POLR3GL: variants seen among roughly 807,000 people sequenced by gnomAD.
The protein encoded by POLR3GL is RNA polymerase III subunit GL, also known as DNA-directed RNA polymerase III subunit RPC7-like.
POLR3GL carries 26 observed loss-of-function variants against 32.4 expected under a neutral mutation model. That is an observed-to-expected ratio of 0.80 (90% CI 0.59 to 1.11). The LOEUF is 1.11. POLR3GL is among the 50% of genes most tolerant of loss of function. The pLI, the probability that POLR3GL is intolerant of heterozygous loss-of-function variation, is 0.00. For synonymous variants in POLR3GL, 95 were observed against 98.7 expected (o/e 0.96, Z 0.22); for missense variants, 229 against 280.1 (o/e 0.82, Z 1.30).
intron 1 of POLR3GL, 116 bp from the exon 2 acceptor site, chr1:145,974,709 G>A (rs1570997916): frequency 3.0e-6 from 2 of 668,564 alleles, no homozygotes; most frequent in East Asian, 6.9e-5. Context: ...GTCAAAATTT[G>A]TTGAATGACA....
intron 1 of POLR3GL, among the ~76,000 whole-genome samples, chr1:145,965,844 G>T (rs1156542616): frequency 1.3e-5 from 2 of 152,168 alleles, no homozygotes; most frequent in Non-Finnish European, 2.9e-5. Flanking sequence ...GGCTGGGCAC[G>T]GTGGCTCATG....
In POLR3GL at chr1:145,978,004, G is replaced by A. The variant is rs1173977502; in HGVS notation, c.478G>A (p.Glu160Lys). 1.2e-6 allele frequency: 2 copies of A among 1,612,736 alleles called. No individual in the cohort carries two copies. The highest frequency in any genetic ancestry group is 1.7e-6 in the Non-Finnish European group (2 of 1,178,766). The change falls in exon 7 of 8, where the codon GAA becomes AAA. Residue 160 changes from glutamate (E) to lysine (K), a missense_variant. By Grantham distance (56) the Glu-to-Lys change is moderately conservative. Coordinates refer to ENST00000369314, the MANE Select transcript of POLR3GL (RefSeq NM_032305.3). Reference sequence around the variant, plus strand: ...TGAGACCCTGGAGAAGAAGGAAGAAGAAGTAACTTCAGAGGAGGATGAGGA... The same window carrying A: ...TGAGACCCTGGAGAAGAAGGAAGAAAAAGTAACTTCAGAGGAGGATGAGGA... ...KLETLEKKEE[E>K]VTSEEDEEKE...
chr1:145,974,887 CG>C lies in POLR3GL; in HGVS notation c.26del (p.Gly9ValfsTer7). 6.6e-7 allele frequency: 1 copy of C among 1,519,966 alleles called. No homozygotes were observed. Among genetic ancestry groups the C allele is most frequent in the Non-Finnish European group, 8.7e-7 (1 of 1,143,568 alleles). 94.2% of individuals were successfully genotyped at this position (1,519,966 alleles called of 1,614,324 possible). A position where few individuals can be genotyped will look rare whatever the true frequency, so the allele number is the denominator to read the frequency against. On this transcript the variant is annotated frameshift_variant, in exon 2 of 8. Transcript: ENST00000369314. LOFTEE classifies it high-confidence loss of function. The stretch of plus-strand genomic sequence containing the variant: ...CACCATGGCCAGCCGGGGTGGGGGC[CG>C]GGGTCGTGGCCGGGGCCAGTTGACC... MASRGGG[R>X]GRGRGQLTFN... is the part of the protein sequence containing the mutation.
chr1:145,974,459 A>C (rs1553763094), intron 1 of POLR3GL, among the ~76,000 whole-genome samples: 1 of 152,200 alleles, frequency 6.6e-6, no homozygotes, highest in Non-Finnish European at 1.5e-5. Context: ...GGCTAGAGTG[A>C]ACTGTGATTG....
At chr1:145,973,682 A>T (rs782361953) in intron 1 of POLR3GL, among the ~76,000 whole-genome samples, 17 of 152,040 alleles carry the variant, frequency 1.1e-4, no homozygotes, top group South Asian at 8.3e-4. Flanking sequence ...GCTGCACTCC[A>T]GCCTGGGCAA....
intron 4 of POLR3GL, 103 bp from the exon 5 acceptor site, chr1:145,977,380 C>T (rs1466909902): frequency 4.2e-6 from 5 of 1,198,600 alleles, no homozygotes; most frequent in East Asian, 2.4e-5. Flanking sequence ...CCAGCCCCTT[C>T]CTTCCTCTCC....
intron 2 of POLR3GL, 110 bp from the exon 3 acceptor site, chr1:145,975,197 C>T: frequency 7.0e-7 from 1 of 1,426,944 alleles, no homozygotes; most frequent in Non-Finnish European, 9.6e-7. Context: ...CCTCGATTGT[C>T]ATTTGGCCCT....
In POLR3GL at chr1:145,973,883, G is replaced by A. The variant is rs112926827; in HGVS notation, c.-41-942G>A. On this transcript the variant is annotated intron_variant, in intron 1 of 7. Coordinates refer to ENST00000369314, the MANE Select transcript of POLR3GL (RefSeq NM_032305.3). ...TAAAAAGATCAATTTGGCCTCTCGC[G>A]GTGGCTCATGCCTGTAATCCCAGCA... Among the ~76,000 whole-genome samples, 730 of 151,224 alleles carry A rather than the reference G, an allele frequency of 4.8e-3. 5 individuals are homozygous for A. The highest frequency in any genetic ancestry group is 0.017 in the African/African-American group (695 of 41,094).
chr1:145,971,108 C>T (rs1650266611), intron 1 of POLR3GL, among the ~76,000 whole-genome samples: 1 of 142,270 alleles, frequency 7.0e-6, no homozygotes, highest in Admixed American at 7.4e-5. Flanking sequence ...ATCGCTTGAA[C>T]CTGGGAGGCG....
intron 1 of POLR3GL, among the ~76,000 whole-genome samples, chr1:145,972,012 A>ATATATATATATATGTG (rs782186587): frequency 1.2e-4 from 14 of 112,598 alleles, no homozygotes; most frequent in African/African-American, 5.7e-4. Flanking sequence ...ATATATATAT[A>ATATATATATATATGTG]CGTGTGTGTG....
At chr1:145,967,112 G>C (rs149740584) in intron 1 of POLR3GL, among the ~76,000 whole-genome samples, 1 of 151,668 alleles carries the variant, frequency 6.6e-6, no homozygotes, top group Non-Finnish European at 1.5e-5. Context: ...ACTCATGACA[G>C]CCTGCTTATT....
At chr1:145,978,131 C>T in intron 7 of POLR3GL, 35 bp downstream of exon 7, 1 of 1,568,412 alleles carries the variant, frequency 6.4e-7, no homozygotes, top group East Asian at 2.4e-5. Flanking sequence ...GTCCCCCTCC[C>T]TTTACCCTCT....
intron 5 of POLR3GL, 72 bp from the exon 6 acceptor site, chr1:145,977,706 T>G (rs1440890771): frequency 1.2e-5 from 18 of 1,444,160 alleles, no homozygotes; most frequent in African/African-American, 9.8e-5. Context: ...TGACATGTTC[T>G]TTGCATGAGG....
rs781784298 is a variant in POLR3GL at position 145,974,857 on chromosome 1, C to G, written c.-9C>G. The G allele has an allele frequency of 4.6e-5, 70 of 1,508,922 alleles. No individual in the cohort carries two copies. The Middle Eastern group carries it at 1.4e-3, about 30-fold the overall frequency. The allele number at this position is 1,508,922 out of a possible 1,614,324, so 93.5% of individuals were successfully genotyped here. A position where few individuals can be genotyped will look rare whatever the true frequency, so the allele number is the denominator to read the frequency against. The stretch of plus-strand genomic sequence containing the variant: ...CACTGGATCTCTGAATACCCAGGCC[C>G]CCTCCACCATGGCCAGCCGGGGTGG... On this transcript the variant is annotated 5_prime_UTR_variant, in exon 2 of 8. Coordinates refer to ENST00000369314, the MANE Select transcript of POLR3GL (RefSeq NM_032305.3).
chr1:145,975,088 T>C lies in POLR3GL; in HGVS notation c.126+97T>C, dbSNP rs6672807. 0.02 allele frequency: 29,184 copies of C among 1,433,372 alleles called. 3,467 individuals carry two copies. The African/African-American group carries it at 0.3, about 15-fold the overall frequency. 88.8% of individuals were successfully genotyped at this position (1,433,372 alleles called of 1,614,324 possible). A position where few individuals can be genotyped will look rare whatever the true frequency, so the allele number is the denominator to read the frequency against. On this transcript the variant is annotated intron_variant, in intron 2 of 7. Transcript: ENST00000369314. ...TGGACCATCATAAAACCATCCTCGC[T>C]TTGGCCCTCTCTCTATACTCCCAAT...
At position 145,977,544 on chromosome 1, in the gene POLR3GL, G is replaced by C. The variant is rs782525454; in HGVS notation, c.382+5G>C. The C allele has an allele frequency of 1.2e-6, 2 of 1,613,712 alleles. No individual in the cohort carries two copies. The highest frequency in any genetic ancestry group is 2.2e-5 in the South Asian group (2 of 91,084). ...TGCGGAAGCTACAGAAGGAACGTGAGTGTATCTGGAAAAAAGGAGGGAGAA... is the reference window on the plus strand; with the variant it reads ...TGCGGAAGCTACAGAAGGAACGTGACTGTATCTGGAAAAAAGGAGGGAGAA... On this transcript the variant is annotated splice_donor_5th_base_variant and intron_variant, in intron 5 of 7. Coordinates refer to ENST00000369314, the MANE Select transcript of POLR3GL (RefSeq NM_032305.3).
intron 1 of POLR3GL, among the ~76,000 whole-genome samples, chr1:145,973,289 GAC>G (rs1414383196): frequency 2.0e-5 from 3 of 152,110 alleles, no homozygotes; most frequent in Non-Finnish European, 2.9e-5. Flanking sequence ...GATGATAAGA[GAC>G]AGAGTGAAAA....
At chr1:145,972,006 A>G (rs1335883214) in intron 1 of POLR3GL, among the ~76,000 whole-genome samples, 15 of 133,536 alleles carry the variant, frequency 1.1e-4, no homozygotes, top group African/African-American at 4.1e-4. Context: ...ATATATATAT[A>G]TATATACGTG....
At chr1:145,973,474 A>G (rs1270128970) in intron 1 of POLR3GL, among the ~76,000 whole-genome samples, 7 of 151,342 alleles carry the variant, frequency 4.6e-5, no homozygotes, top group Non-Finnish European at 8.9e-5. Context: ...CACTTTGGGA[A>G]GCCCAAGCAG....
Sources: gnomAD v4.1 joint callset for allele counts (sites outside exome capture counted in the v4.1 genomes callset) on GRCh38, gnomAD v4.1.1 for gene constraint, MANE v1.5 for transcripts, NCBI Gene and HGNC (gene_info 2026-07-23, HGNC 2026-07-21) for gene names.